CLCN5: variants seen among roughly 807,000 people sequenced by gnomAD.
CLCN5 encodes Cl-/H+ antiporter 5.
Under a neutral mutation model 54.0 loss-of-function variants are expected in CLCN5, and 17 were observed. That is an observed-to-expected ratio of 0.31 (90% CI 0.22 to 0.47). The LOEUF is 0.47. CLCN5 is among the 20% of genes least tolerant of loss of function. CLCN5 has a pLI of 1.00. For missense variants in CLCN5, 448 were observed against 646.7 expected (o/e 0.69, Z 3.33); for synonymous variants, 222 against 233.0 (o/e 0.95, Z 0.43).
rs781979045 is a variant in CLCN5, at chrX:50,090,530, A to G, written c.2143+16A>G. ...ATTTCAATTGGTAAGGATTTCAGAA[A>G]GGGGATAGTGGAATCCACTGTGGAA... is the stretch of plus-strand genomic sequence containing the variant. On this transcript the variant is annotated intron_variant, in intron 13 of 14. Coordinates refer to ENST00000376091, the MANE Select transcript of CLCN5 (RefSeq NM_001127898.4). 1 of 1,198,566 alleles carries G rather than the reference A, an allele frequency of 8.3e-7. No individual in the cohort carries two copies. The highest frequency in any genetic ancestry group is 1.1e-6 in the Non-Finnish European group (1 of 887,056).
chrX:50,085,562 CATT>C (rs1333829713), intron 9 of CLCN5: 1 of 225,138 alleles, frequency 4.4e-6, no homozygotes, highest in African/African-American at 2.9e-5. Flanking sequence ...AGTTTTATGT[CATT>C]AGAGCCTTCT....
chrX:50,009,617 G>A (rs1278734381), intron 3 of CLCN5: 1 of 351,660 alleles, frequency 2.8e-6, no homozygotes, highest in Non-Finnish European at 5.6e-6. Flanking sequence ...AGAGGCATCT[G>A]TCTTAGCAAA....
rs868949584 is a variant in CLCN5, at chrX:50,057,465, T to C, written c.164-12414T>C. Among the ~76,000 whole-genome samples, 164 of 16,562 alleles carry C rather than the reference T, an allele frequency of 9.9e-3. 4 individuals are homozygous for C. Among genetic ancestry groups the C allele is most frequent in the African/African-American group, 0.044 (155 of 3,512 alleles). 14.4% of individuals were successfully genotyped at this position (16,562 alleles called of 115,157 possible). On this transcript the variant is annotated intron_variant, in intron 4 of 14. Transcript: ENST00000376091. ...ACTATCCAGGACTCTCCTGGATAGA[T>C]ACTATCCAGGACTCTCCTGGATAGA...
At chrX:49,949,369 A>G (rs782492285) in intron 3 of CLCN5, among the ~76,000 whole-genome samples, 1 of 112,279 alleles carries the variant, frequency 8.9e-6, no homozygotes, top group South Asian at 3.7e-4. Context: ...AATTTTGGGT[A>G]GGGCAGGAGA....
At chrX:49,975,560 A>G in intron 3 of CLCN5, among the ~76,000 whole-genome samples, 1 of 110,663 alleles carries the variant, frequency 9.0e-6, no homozygotes, top group Non-Finnish European at 1.9e-5. Flanking sequence ...CTCTTCCTGG[A>G]GTTCTGATCT....
At chrX:50,081,494 C>G in intron 8 of CLCN5, 147 bp from the exon 9 acceptor site, 3 of 495,026 alleles carry the variant, frequency 6.1e-6, no homozygotes, top group Non-Finnish European at 1.1e-5. Flanking sequence ...CTCCTGGGCT[C>G]TCTTCCAAAC....
chrX:49,969,704 C>G (rs781985348), intron 3 of CLCN5, among the ~76,000 whole-genome samples: 2 of 111,986 alleles, frequency 1.8e-5, no homozygotes, highest in Non-Finnish European at 3.8e-5. Flanking sequence ...TCTTAGTAAA[C>G]TGTTCTGTGT....
chrX:50,039,191 C>T (rs192519738), intron 3 of CLCN5, among the ~76,000 whole-genome samples: 2 of 111,469 alleles, frequency 1.8e-5, no homozygotes, highest in East Asian at 2.8e-4. Context: ...CTACTTGGGA[C>T]GCTGAGGTGG....
At chrX:50,081,874 C>G in intron 9 of CLCN5, 27 bp downstream of exon 9, 2 of 1,154,986 alleles carry the variant, frequency 1.7e-6, no homozygotes, top group East Asian at 6.0e-5. Flanking sequence ...TTAATAGTCT[C>G]TTTTTGGTTG....
intron 3 of CLCN5, among the ~76,000 whole-genome samples, chrX:49,986,970 T>A (rs1419689610): frequency 8.9e-6 from 1 of 112,099 alleles, no homozygotes; most frequent in Non-Finnish European, 1.9e-5. Flanking sequence ...CTTGCTTTTA[T>A]TTAGAAGAGG....
chrX:50,059,624 G>T (rs1157295004), intron 4 of CLCN5, among the ~76,000 whole-genome samples: 1 of 111,035 alleles, frequency 9.0e-6, no homozygotes, highest in Non-Finnish European at 1.9e-5. Flanking sequence ...GAGTAGAAAA[G>T]AATAAAAGAA....
At chrX:50,058,283 G>C (rs1229902003) in intron 4 of CLCN5, among the ~76,000 whole-genome samples, 4 of 111,456 alleles carry the variant, frequency 3.6e-5, no homozygotes, top group Non-Finnish European at 1.9e-5. Context: ...CAGGGTCTGT[G>C]CATGAGATTT....
At chrX:50,038,779 A>T (rs782368213) in intron 3 of CLCN5, among the ~76,000 whole-genome samples, 1 of 112,326 alleles carries the variant, frequency 8.9e-6, no homozygotes, top group Non-Finnish European at 1.9e-5. Context: ...GTTTGAAGGA[A>T]TCTGCTGATG....
chrX:49,927,832 G>T (rs1925428187), intron 3 of CLCN5, among the ~76,000 whole-genome samples: 1 of 112,334 alleles, frequency 8.9e-6, no homozygotes, highest in South Asian at 3.7e-4. Context: ...GCCATAAAAA[G>T]AATGAAATCC....
At chrX:50,079,025 A>G (rs1250174568) in intron 7 of CLCN5, among the ~76,000 whole-genome samples, 7 of 111,224 alleles carry the variant, frequency 6.3e-5, no homozygotes, top group African/African-American at 1.3e-4. Flanking sequence ...GGGTTTCACC[A>G]TGTTAGCCAG....
At chrX:50,027,161 C>T (rs1431654577) in intron 3 of CLCN5, among the ~76,000 whole-genome samples, 4 of 108,819 alleles carry the variant, frequency 3.7e-5, no homozygotes, top group Non-Finnish European at 7.6e-5. Context: ...AGTACAGGTG[C>T]GCACCACCAT....
intron 3 of CLCN5, among the ~76,000 whole-genome samples, chrX:49,981,722 A>G (rs1245520029): frequency 9.2e-6 from 1 of 108,588 alleles, no homozygotes; most frequent in Non-Finnish European, 1.9e-5. Context: ...AGTGAAAAGC[A>G]AAAGAACTCA....
intron 3 of CLCN5, among the ~76,000 whole-genome samples, chrX:49,945,604 GTTTT>G (rs1162822439): frequency 5.6e-5 from 4 of 71,155 alleles, no homozygotes; most frequent in African/African-American, 1.1e-4. Context: ...CGCCCAGCTA[GTTTT>G]TTTTTTTTTT....
At chrX:49,972,112 G>GGTGTGTGTGTGTGT in intron 3 of CLCN5, among the ~76,000 whole-genome samples, 1 of 86,595 alleles carries the variant, frequency 1.2e-5, no homozygotes, top group South Asian at 7.1e-4. Flanking sequence ...TGCATTCTCT[G>GGTGTGTGTGTGTGT]GTGTGTGTGT....
Sources: allele counts gnomAD v4.1 joint callset (sites outside exome capture counted in the v4.1 genomes callset), GRCh38; gene constraint gnomAD v4.1.1; transcripts MANE v1.5; gene names NCBI Gene and HGNC (gene_info 2026-07-23, HGNC 2026-07-21).